RAVER2: variants seen among roughly 807,000 people sequenced by gnomAD.
The protein encoded by RAVER2 is ribonucleoprotein PTB-binding 2.
Under a neutral mutation model 78.1 loss-of-function variants are expected in RAVER2, and 46 were observed. That is an observed-to-expected ratio of 0.59 (90% CI 0.46 to 0.75). The LOEUF (loss-of-function observed/expected upper bound fraction) is 0.75. RAVER2 is among the 30% of genes least tolerant of loss of function. The pLI is 0.00. For missense variants in RAVER2, 793 were observed against 837.5 expected (o/e 0.95, Z 0.66); for synonymous variants, 311 against 313.3 (o/e 0.99, Z 0.08).
chr1:64,821,813 C>T (rs747046041), intron 11 of RAVER2, among the ~76,000 whole-genome samples: 1 of 152,098 alleles, frequency 6.6e-6, no homozygotes, highest in African/African-American at 2.4e-5. Flanking sequence ...ATTATAAAAA[C>T]CCTGGAAGAC....
intron 2 of RAVER2, among the ~76,000 whole-genome samples, chr1:64,770,537 A>G (rs970704489): frequency 6.6e-5 from 10 of 152,042 alleles, no homozygotes; most frequent in Non-Finnish European, 1.0e-4. Flanking sequence ...GAAATTTATG[A>G]TGTCAGACAT....
At chr1:64,819,643 C>T (rs1467656429) in intron 11 of RAVER2, among the ~76,000 whole-genome samples, 1 of 152,320 alleles carries the variant, frequency 6.6e-6, no homozygotes, top group Admixed American at 6.5e-5. Flanking sequence ...AGAGGCCCTC[C>T]TGCAAAGCAG....
At chr1:64,760,097 G>C (rs1651979660) in intron 1 of RAVER2, among the ~76,000 whole-genome samples, 1 of 146,426 alleles carries the variant, frequency 6.8e-6, no homozygotes, top group African/African-American at 2.6e-5. Context: ...TGTAAGGGTT[G>C]TGATGTGGAA....
chr1:64,783,570 G>A (rs912002394), intron 4 of RAVER2, among the ~76,000 whole-genome samples: 1 of 152,114 alleles, frequency 6.6e-6, no homozygotes, highest in Non-Finnish European at 1.5e-5. Flanking sequence ...CATACCCTTT[G>A]CCCACTTTTT....
chr1:64,755,162 A>G (rs1651816514), intron 1 of RAVER2, among the ~76,000 whole-genome samples: 1 of 152,228 alleles, frequency 6.6e-6, no homozygotes, highest in Non-Finnish European at 1.5e-5. Flanking sequence ...TTTTTCTTTA[A>G]AACAAATCAA....
At chr1:64,792,413 A>T (rs562019198) in intron 5 of RAVER2, among the ~76,000 whole-genome samples, 66 of 152,334 alleles carry the variant, frequency 4.3e-4, no homozygotes, top group Non-Finnish European at 8.2e-4. Flanking sequence ...TTAGTGTCTA[A>T]AGAAGTATAC....
At chr1:64,812,591 A>G (rs2100886261) in intron 9 of RAVER2, 147 bp from the exon 10 acceptor site, 1 of 510,436 alleles carries the variant, frequency 2.0e-6, no homozygotes, top group Non-Finnish European at 3.4e-6. Context: ...ACAACTAATA[A>G]CAGGTGAAAT....
exon 12 of RAVER2, chr1:64,832,973 G>A (rs1419525839): frequency 6.1e-6 from 1 of 164,480 alleles, no homozygotes; most frequent in Non-Finnish European, 1.3e-5. Context: ...GAGGTTGAAG[G>A]AACTAAAACA....
In RAVER2 at chr1:64,807,194, G is replaced by A. The variant is rs774778562; in HGVS notation, c.1412-12G>A. 4 of 1,594,004 alleles carry A rather than the reference G, an allele frequency of 2.5e-6. No individual in the cohort carries two copies. Among genetic ancestry groups the A allele is most frequent in the Non-Finnish European group, 3.4e-6 (4 of 1,166,820 alleles). ...CTAACTAAAAGCTTTTTGCATTTAT[G>A]GTTTGCTACAGCATCTAGCCTGATT... On this transcript the variant is annotated splice_polypyrimidine_tract_variant and intron_variant, in intron 8 of 11. Coordinates refer to ENST00000294428, the Ensembl canonical transcript of RAVER2.
At chr1:64,805,200 C>T in intron 8 of RAVER2, 95 bp downstream of exon 8, 1 of 1,146,370 alleles carries the variant, frequency 8.7e-7, no homozygotes, top group East Asian at 2.5e-5. Flanking sequence ...ACAGGGAGGT[C>T]AAATTTGAGT....
exon 12 of RAVER2, chr1:64,831,140 A>T: frequency 2.9e-6 from 2 of 678,250 alleles, no homozygotes; most frequent in Non-Finnish European, 4.6e-6. Flanking sequence ...AATGCCAAAT[A>T]AAAAATAGCA....
At chr1:64,794,553 T>C (rs907429949) in intron 5 of RAVER2, among the ~76,000 whole-genome samples, 4 of 152,152 alleles carry the variant, frequency 2.6e-5, no homozygotes, top group African/African-American at 9.6e-5. Context: ...ATTGGATGTA[T>C]AGTGCTCTCT....
chr1:64,786,132 AAAG>A (rs1366367350), intron 4 of RAVER2, among the ~76,000 whole-genome samples: 1 of 152,198 alleles, frequency 6.6e-6, no homozygotes, highest in Non-Finnish European at 1.5e-5. Context: ...ATGCTTTGAG[AAAG>A]AAGATTATAG....
At chr1:64,785,305 T>C (rs190518041) in intron 4 of RAVER2, among the ~76,000 whole-genome samples, 96 of 152,226 alleles carry the variant, frequency 6.3e-4, no homozygotes, top group Admixed American at 1.8e-3. Flanking sequence ...TTAATTTCTT[T>C]AGCGTCGTTT....
intron 5 of RAVER2, among the ~76,000 whole-genome samples, chr1:64,790,087 A>G (rs1489321203): frequency 2.0e-5 from 3 of 152,224 alleles, no homozygotes; most frequent in Non-Finnish European, 1.5e-5. Context: ...GCATTCTGAA[A>G]TGTACAACTT....
rs553549225 is a variant in RAVER2 at position 64,777,690 on chromosome 1, T to C, written c.384T>C (p.Phe128=). ...TTCAGATGTTTCATCAATATTCTTT[T>C]AGAGGAAAAGACTTAATAGTCCAGC... Residue 128 remains phenylalanine, a synonymous_variant, in exon 3 of 12, where the codon TTT becomes TTC. Transcript: ENST00000294428. 3 of 1,613,912 alleles carry C rather than the reference T, an allele frequency of 1.9e-6. No individual in the cohort carries two copies. The African/African-American group carries it at 4.0e-5, about 22-fold the overall frequency.
chr1:64,804,983 T>C lies in RAVER2; in HGVS notation c.1297-8T>C, dbSNP rs1653373487. On this transcript the variant is annotated splice_region_variant and splice_polypyrimidine_tract_variant and intron_variant, in intron 7 of 11. Transcript: ENST00000294428. Reference sequence around the variant, plus strand: ...CCATGGGTCTTACCTTTTTTTCTTCTTTTGTAGAAACCCGGCTTACTTGGA... The same window carrying C: ...CCATGGGTCTTACCTTTTTTTCTTCCTTTGTAGAAACCCGGCTTACTTGGA... 1 of 1,613,010 alleles carries C rather than the reference T, an allele frequency of 6.2e-7. No individual in the cohort carries two copies. The highest frequency in any genetic ancestry group is 1.7e-5 in the Admixed American group (1 of 59,850).
intron 2 of RAVER2, among the ~76,000 whole-genome samples, 169 bp downstream of exon 2, chr1:64,768,891 C>A (rs924188044): frequency 2.0e-5 from 3 of 151,770 alleles, no homozygotes; most frequent in African/African-American, 7.3e-5. Flanking sequence ...ATATTGGTAT[C>A]CTAAATATTA....
intron 2 of RAVER2, among the ~76,000 whole-genome samples, chr1:64,771,507 G>A (rs984012166): frequency 1.6e-4 from 25 of 151,972 alleles, no homozygotes; most frequent in Admixed American, 1.6e-3. Context: ...TGGTCATTAC[G>A]TGGGTAAAGA....
Sources: allele counts gnomAD v4.1 joint callset (sites outside exome capture counted in the v4.1 genomes callset), GRCh38; gene constraint gnomAD v4.1.1; transcripts MANE v1.5; gene names NCBI Gene and HGNC (gene_info 2026-07-23, HGNC 2026-07-21).